SGCD: variants seen among roughly 807,000 people sequenced by gnomAD.
The protein encoded by SGCD is sarcoglycan delta, also known as delta-sarcoglycan.
A neutral mutation model predicts 36.6 loss-of-function variants in SGCD; 18 were observed. The ratio of observed to expected loss-of-function variants is 0.49; its 90% CI spans 0.34 to 0.73. The LOEUF is 0.73. Among genes scored for constraint, SGCD ranks in the 30% least tolerant of loss-of-function variants. The probability of loss-of-function intolerance (pLI) is 0.01; values close to 1 mark genes in which losing one functional copy is unlikely to be tolerated. For synonymous variants in SGCD, 133 were observed against 130.6 expected, an observed-to-expected ratio of 1.02 and a Z score of -0.12; for missense variants, 387 against 346.7, an observed-to-expected ratio of 1.12 and a Z score of -0.92.
intron 3 of SGCD, among the ~76,000 whole-genome samples, chr5:156,172,855 T>TC (rs1288523787): frequency 6.6e-6 from 1 of 151,968 alleles, no homozygotes; most frequent in Non-Finnish European, 1.5e-5. Context: ...TAATTTGTTT[T>TC]TTTTTTAACT....
chr5:156,027,801 G>C (rs1306851652), intron 1 of SGCD, among the ~76,000 whole-genome samples: 1 of 152,074 alleles, frequency 6.6e-6, no homozygotes, highest in Non-Finnish European at 1.5e-5. Flanking sequence ...AATAAATTTG[G>C]CTAATTGTCA....
intron 3 of SGCD, among the ~76,000 whole-genome samples, chr5:156,191,566 T>A (rs946048692): frequency 6.6e-6 from 1 of 152,138 alleles, no homozygotes; most frequent in African/African-American, 2.4e-5. Flanking sequence ...TCTTTCTTTG[T>A]TGCTAGGGTT....
chr5:156,715,724 A>G (rs192431126), intron 7 of SGCD, among the ~76,000 whole-genome samples: 3 of 152,216 alleles, frequency 2.0e-5, no homozygotes, highest in African/African-American at 7.2e-5. Context: ...CAATTTCCAC[A>G]ACTGTGAAGT....
chr5:156,625,017 T>C (rs534538492), intron 6 of SGCD, among the ~76,000 whole-genome samples: 4 of 152,300 alleles, frequency 2.6e-5, no homozygotes, highest in East Asian at 1.9e-4. Context: ...TATGGGTTGG[T>C]GGAAGATAAA....
At chr5:156,092,999 C>T (rs1365328411) in intron 1 of SGCD, among the ~76,000 whole-genome samples, 1 of 152,190 alleles carries the variant, frequency 6.6e-6, no homozygotes, top group South Asian at 2.1e-4. Flanking sequence ...TCAGTTGTAC[C>T]TGGGGCTCCT....
intron 1 of SGCD, among the ~76,000 whole-genome samples, chr5:155,897,430 A>G (rs1408530330): frequency 6.6e-6 from 1 of 152,178 alleles, no homozygotes; most frequent in Admixed American, 6.5e-5. Context: ...ACTACTTCAG[A>G]CTTTATAAAC....
the SGCD span, among the ~76,000 whole-genome samples, chr5:155,778,394 A>G: frequency 4.6e-5 from 7 of 152,348 alleles, no homozygotes; most frequent in African/African-American, 7.2e-5. Flanking sequence ...CCTTTTCAAA[A>G]GACGAAATCC....
chr5:156,696,654 C>T (rs1754327644), intron 7 of SGCD, among the ~76,000 whole-genome samples: 1 of 151,960 alleles, frequency 6.6e-6, no homozygotes, highest in Non-Finnish European at 1.5e-5. Flanking sequence ...GGATTACAGG[C>T]ATGTAAGACC....
the SGCD span, among the ~76,000 whole-genome samples, chr5:155,787,707 T>C: frequency 6.6e-6 from 1 of 152,138 alleles, no homozygotes; most frequent in South Asian, 2.1e-4. Context: ...AGCTATTTGC[T>C]TTTTGCTTAG....
At chr5:156,371,484 G>T (rs1389553922) in intron 3 of SGCD, among the ~76,000 whole-genome samples, 1 of 152,170 alleles carries the variant, frequency 6.6e-6, no homozygotes, top group East Asian at 1.9e-4. Context: ...TTTCCTCTTG[G>T]AGACCATGTC....
chr5:156,386,068 A>T (rs757099691), intron 3 of SGCD, among the ~76,000 whole-genome samples: 16 of 152,230 alleles, frequency 1.1e-4, no homozygotes, highest in Non-Finnish European at 7.3e-5. Context: ...TGTTAGGTGT[A>T]AATATGGTCA....
At chr5:156,426,662 T>A (rs977036774) in intron 3 of SGCD, among the ~76,000 whole-genome samples, 1 of 152,100 alleles carries the variant, frequency 6.6e-6, no homozygotes, top group African/African-American at 2.4e-5. Context: ...AGAATTTTCC[T>A]GATGTTATCT....
chr5:156,696,914 C>T (rs563978065), intron 7 of SGCD, among the ~76,000 whole-genome samples: 48 of 98,362 alleles, frequency 4.9e-4, no homozygotes, highest in African/African-American at 1.9e-3. Flanking sequence ...TCCTTACACA[C>T]AACACACACA....
chr5:155,949,904 G>T (rs1172042988), intron 1 of SGCD, among the ~76,000 whole-genome samples: 1 of 152,128 alleles, frequency 6.6e-6, no homozygotes, highest in Admixed American at 6.6e-5. Flanking sequence ...TTCTAATTTG[G>T]AAGCATGTCC....
intron 7 of SGCD, among the ~76,000 whole-genome samples, chr5:156,734,888 A>G (rs1200202156): frequency 6.6e-6 from 1 of 152,166 alleles, no homozygotes; most frequent in African/African-American, 2.4e-5. Context: ...CTTGCTGGTG[A>G]GGTAGTATGG....
upstream of SGCD, among the ~76,000 whole-genome samples, chr5:156,322,553 T>C (rs1377171416): frequency 6.6e-6 from 1 of 152,200 alleles, no homozygotes; most frequent in Non-Finnish European, 1.5e-5. Context: ...TAGGCTTATA[T>C]AACAGGGGAC....
chr5:156,542,249 G>A (rs1005125540), intron 4 of SGCD, among the ~76,000 whole-genome samples: 2 of 142,640 alleles, frequency 1.4e-5, no homozygotes, highest in Non-Finnish European at 3.2e-5. Flanking sequence ...GAAGAATAGA[G>A]TATTAACTTT....
intron 1 of SGCD, among the ~76,000 whole-genome samples, chr5:155,934,403 C>T (rs1233535337): frequency 6.6e-6 from 1 of 152,162 alleles, no homozygotes. Context: ...CTGAACTATG[C>T]AGGACAAGAG....
intron 3 of SGCD, among the ~76,000 whole-genome samples, chr5:156,257,325 T>G (rs900239028): frequency 4.0e-5 from 6 of 151,602 alleles, no homozygotes; most frequent in Non-Finnish European, 8.8e-5. Flanking sequence ...ATACAAAAAA[T>G]TAGCTGGGCA....
Sources: gnomAD v4.1 joint callset for allele counts (sites outside exome capture counted in the v4.1 genomes callset) on GRCh38, gnomAD v4.1.1 for gene constraint, MANE v1.5 for transcripts, NCBI Gene and HGNC (gene_info 2026-07-23, HGNC 2026-07-21) for gene names.